TEX11: variants seen among roughly 807,000 people sequenced by gnomAD.
TEX11 encodes the protein testis-expressed protein 11.
In TEX11, 7 loss-of-function variants were observed where a neutral mutation model predicts 84.4. The ratio of observed to expected loss-of-function variants is 0.08; its 90% CI spans 0.05 to 0.16. The LOEUF (loss-of-function observed/expected upper bound fraction) is 0.16. Among genes scored for constraint, TEX11 ranks in the 10% least tolerant of loss-of-function variants. The pLI, the probability that TEX11 is intolerant of heterozygous loss-of-function variation, is 1.00. For synonymous variants in TEX11, 264 were observed against 222.8 expected, an observed-to-expected ratio of 1.18 and a Z score of -1.64; for missense variants, 551 against 660.5, an observed-to-expected ratio of 0.83 and a Z score of 1.82.
At chrX:70,704,094 T>TCTCTCTCC (rs2147687133) in intron 13 of TEX11, among the ~76,000 whole-genome samples, 1 of 109,118 alleles carries the variant, frequency 9.2e-6, no homozygotes, top group South Asian at 4.0e-4. Context: ...TCTCTCTCTC[T>TCTCTCTCC]CTCTCTCCCT....
intron 9 of TEX11, among the ~76,000 whole-genome samples, chrX:70,788,132 A>G (rs2091091158): frequency 8.9e-6 from 1 of 112,046 alleles, no homozygotes; most frequent in Non-Finnish European, 1.9e-5. Flanking sequence ...TAAAAATTCC[A>G]ATATCAATTT....
the TEX11 span, among the ~76,000 whole-genome samples, chrX:70,518,890 C>T: frequency 9.0e-6 from 1 of 111,681 alleles, no homozygotes; most frequent in African/African-American, 3.3e-5. Flanking sequence ...CTATTTTGAT[C>T]TTTGTTGGTT....
chrX:70,890,287 G>A (rs375934877), intron 2 of TEX11, among the ~76,000 whole-genome samples: 137 of 111,836 alleles, frequency 1.2e-3, no homozygotes, highest in African/African-American at 4.3e-3. Context: ...CACAGAAGAC[G>A]GGTGATTTCT....
chrX:70,790,686 C>G (rs975765767), intron 9 of TEX11, among the ~76,000 whole-genome samples: 5 of 111,815 alleles, frequency 4.5e-5, no homozygotes, highest in South Asian at 3.8e-4. Context: ...GCCCCTCTGT[C>G]GGCAACACCT....
intron 8 of TEX11, among the ~76,000 whole-genome samples, chrX:70,816,006 G>A (rs770366318): frequency 1.3e-4 from 15 of 111,391 alleles, no homozygotes; most frequent in Non-Finnish European, 2.6e-4. Context: ...GGTGATTTGT[G>A]AGATTTTGGT....
At chrX:70,615,752 A>G (rs1462979985) in intron 20 of TEX11, among the ~76,000 whole-genome samples, 8 of 112,126 alleles carry the variant, frequency 7.1e-5, no homozygotes, top group Non-Finnish European at 1.5e-4. Context: ...CAAACTCTCA[A>G]AGGTTCAGGA....
At chrX:70,897,739 A>AAAG (rs2091781349) in intron 2 of TEX11, among the ~76,000 whole-genome samples, 1 of 102,471 alleles carries the variant, frequency 9.8e-6, no homozygotes, top group Non-Finnish European at 2.0e-5. Context: ...AAGAAAGAAA[A>AAAG]GAGACAAGAG....
chrX:70,633,087 T>C (rs187069658), intron 17 of TEX11, among the ~76,000 whole-genome samples: 2 of 111,918 alleles, frequency 1.8e-5, no homozygotes, highest in East Asian at 5.6e-4. Flanking sequence ...AGTATTACTC[T>C]GATAGCAAAA....
chrX:70,646,928 TC>T (rs1362447920), intron 17 of TEX11, among the ~76,000 whole-genome samples: 1 of 111,570 alleles, frequency 9.0e-6, no homozygotes, highest in Non-Finnish European at 1.9e-5. Context: ...ATATCTGCAC[TC>T]CCATATTCAT....
intron 7 of TEX11, among the ~76,000 whole-genome samples, chrX:70,848,717 A>G (rs1029425605): frequency 8.9e-6 from 1 of 111,794 alleles, no homozygotes; most frequent in Non-Finnish European, 1.9e-5. Flanking sequence ...CTACTTTTTT[A>G]ACTACTAGGA....
chrX:70,700,593 A>G (rs936638940), intron 13 of TEX11, among the ~76,000 whole-genome samples: 1 of 110,978 alleles, frequency 9.0e-6, no homozygotes, highest in Non-Finnish European at 1.9e-5. Flanking sequence ...ACACAGCAAT[A>G]CTGAAACTAG....
At chrX:70,579,194 A>T (rs2088727399) in intron 25 of TEX11, among the ~76,000 whole-genome samples, 2 of 110,745 alleles carry the variant, frequency 1.8e-5, no homozygotes, top group African/African-American at 6.6e-5. Context: ...TTCTTGTTTA[A>T]ATCAAGAAAC....
In TEX11 at chrX:70,629,600, A is replaced by G; in HGVS notation, c.1608+11T>C. 1 of 1,207,318 alleles carries G rather than the reference A, an allele frequency of 8.3e-7. No individual in the cohort carries two copies. The highest frequency in any genetic ancestry group is 1.1e-6 in the Non-Finnish European group (1 of 893,119). On this transcript the variant is annotated intron_variant, in intron 18 of 29. Transcript: ENST00000374333. ...GGATAAAAATCTAGTAGATGAATAC[A>G]TATGAATTACCTCTAGAGCAAACTG...
At position 70,885,660 on chromosome X, in the gene TEX11, G is replaced by A. The variant is rs1228433289; in HGVS notation, c.38-5551C>T. ...TAATCCCAGCACATTGGGAGGCCGA[G>A]GCAGGTGGATCACTTGAGGTCAGGA... On this transcript the variant is annotated intron_variant, in intron 2 of 29. Coordinates refer to ENST00000374333, the MANE Select transcript of TEX11 (RefSeq NM_031276.3). Among the ~76,000 whole-genome samples, 6 of 111,026 alleles carry A rather than the reference G, an allele frequency of 5.4e-5. No homozygotes were observed. In the Admixed American group the frequency reaches 5.8e-4, roughly 11 times the overall value.
intron 10 of TEX11, among the ~76,000 whole-genome samples, chrX:70,742,851 G>A (rs1383255882): frequency 9.0e-6 from 1 of 110,886 alleles, no homozygotes; most frequent in Admixed American, 9.7e-5. Context: ...TCCTGGCTTA[G>A]CCTCCTGAGT....
At chrX:70,545,080 C>A (rs1306389102) in intron 28 of TEX11, among the ~76,000 whole-genome samples, 1 of 108,717 alleles carries the variant, frequency 9.2e-6, no homozygotes, top group Non-Finnish European at 1.9e-5. Context: ...TGGCATGCAC[C>A]TATAGTCTCA....
At chrX:70,724,749 C>G (rs1420348174) in intron 12 of TEX11, among the ~76,000 whole-genome samples, 1 of 111,259 alleles carries the variant, frequency 9.0e-6, no homozygotes, top group African/African-American at 3.3e-5. Flanking sequence ...ATTCTCAAAA[C>G]AACATGATGA....
At chrX:70,838,601 C>T (rs772096849) in intron 7 of TEX11, among the ~76,000 whole-genome samples, 7 of 112,010 alleles carry the variant, frequency 6.2e-5, no homozygotes, top group East Asian at 2.8e-4. Flanking sequence ...ACTGAGGTAC[C>T]GGGTTCATCT....
At chrX:70,544,559 G>T (rs943559847) in intron 28 of TEX11, among the ~76,000 whole-genome samples, 5 of 110,433 alleles carry the variant, frequency 4.5e-5, no homozygotes, top group Admixed American at 1.9e-4. Flanking sequence ...TTGTCTTACT[G>T]CAACTTTTTT....
Sources: gnomAD v4.1 joint callset for allele counts (sites outside exome capture counted in the v4.1 genomes callset) on GRCh38, gnomAD v4.1.1 for gene constraint, MANE v1.5 for transcripts, NCBI Gene and HGNC (gene_info 2026-07-23, HGNC 2026-07-21) for gene names.